Variants in RPS6KA2 observed in about 807,000 individuals in gnomAD.
RPS6KA2 encodes ribosomal protein S6 kinase alpha-2.
A neutral mutation model predicts 91.8 loss-of-function variants in RPS6KA2; 42 were observed. The ratio of observed to expected loss-of-function variants is 0.46; its 90% CI spans 0.36 to 0.59. The LOEUF is 0.59. Ranked by LOEUF, RPS6KA2 falls within the 20% of genes least tolerant of loss-of-function variation. The probability of loss-of-function intolerance (pLI) is 0.00; values close to 1 mark genes in which losing one functional copy is unlikely to be tolerated. For synonymous variants in RPS6KA2, 414 were observed against 393.6 expected (o/e 1.05, Z -0.61); for missense variants, 798 against 978.5 (o/e 0.82, Z 2.46).
At chr6:166,432,248 C>A (rs1283072029) in intron 15 of RPS6KA2, among the ~76,000 whole-genome samples, 153 bp downstream of exon 15, 1 of 152,190 alleles carries the variant, frequency 6.6e-6, no homozygotes, top group Non-Finnish European at 1.5e-5. Context: ...CACAGTCCAG[C>A]AAGTCAGCTC....
chr6:166,575,376 C>T (rs971927242), intron 1 of RPS6KA2, among the ~76,000 whole-genome samples: 1 of 152,140 alleles, frequency 6.6e-6, no homozygotes, highest in African/African-American at 2.4e-5. Flanking sequence ...TCCAGACCTG[C>T]CAAATCGAGC....
chr6:166,692,037 G>A (rs1198486445), intron 2 of RPS6KA2, among the ~76,000 whole-genome samples: 1 of 152,122 alleles, frequency 6.6e-6, no homozygotes, highest in East Asian at 1.9e-4. Flanking sequence ...TACAGGTCAG[G>A]GCGTCCTGTG....
chr6:166,702,278 G>C (rs1789547203), intron 2 of RPS6KA2: 5 of 1,613,276 alleles, frequency 3.1e-6, no homozygotes, highest in Non-Finnish European at 4.2e-6. Context: ...GGATCCTGGA[G>C]ACCCCTGCCT....
At chr6:166,504,472 G>T (rs372825440) in intron 6 of RPS6KA2, 34 bp downstream of exon 6, 32 of 1,271,638 alleles carry the variant, frequency 2.5e-5, no homozygotes, top group South Asian at 2.5e-5. Flanking sequence ...GCTGATGGGC[G>T]TGGGGAAGTC....
At chr6:166,414,030 C>T in intron 19 of RPS6KA2, 99 bp from the exon 20 acceptor site, 8 of 1,093,758 alleles carry the variant, frequency 7.3e-6, no homozygotes, top group Non-Finnish European at 9.3e-6. Context: ...ATGGCAACAC[C>T]CAACCACTAT....
At chr6:166,599,216 T>C (rs1474003618) in intron 1 of RPS6KA2, among the ~76,000 whole-genome samples, 2 of 152,114 alleles carry the variant, frequency 1.3e-5, no homozygotes, top group African/African-American at 2.4e-5. Flanking sequence ...GACAGGGAGA[T>C]TGGAAATTAG....
chr6:166,776,345 CTGACTT>C (rs1204322043), intron 2 of RPS6KA2, among the ~76,000 whole-genome samples: 3 of 152,362 alleles, frequency 2.0e-5, no homozygotes, highest in African/African-American at 7.2e-5. Context: ...AGTCCCCGCA[CTGACTT>C]TGAGACCGTC....
Position 166,821,842 on chromosome 6 carries a change from T to C in RPS6KA2, c.123+36358A>G, listed in dbSNP as rs1562456982. ...CACAGGCATACTGAAGTTAACGTTGTTGTGTTGGATTCCCCACTCAGACAC... is the reference window on the plus strand; with the variant it reads ...CACAGGCATACTGAAGTTAACGTTGCTGTGTTGGATTCCCCACTCAGACAC... On this transcript the variant is annotated intron_variant, in intron 2 of 21. Coordinates refer to the RPS6KA2 transcript ENST00000503859. This position sits in a 1 kb window ranked among gnomAD's most constrained non-coding sequence, Gnocchi z 4.1. 6.6e-6 allele frequency among the ~76,000 whole-genome samples: 1 copy of C among 152,206 alleles called. No individual in the cohort carries two copies. Among genetic ancestry groups the C allele is most frequent in the Non-Finnish European group, 1.5e-5 (1 of 68,040 alleles).
chr6:166,448,694 G>T lies in RPS6KA2; in HGVS notation c.1332+30C>A. On this transcript the variant is annotated intron_variant, in intron 14 of 20. Coordinates refer to ENST00000265678, the MANE Select transcript of RPS6KA2 (RefSeq NM_021135.6). This position sits in a 1 kb window ranked among gnomAD's most constrained non-coding sequence, Gnocchi z 4.7. ...GCTCCCACGCGCTGCACTCACACAG[G>T]GCCCTGCTCACTCAGCAGGCCTGCC... 6.3e-7 allele frequency: 1 copy of T among 1,592,896 alleles called. No individual in the cohort carries two copies. Among genetic ancestry groups the T allele is most frequent in the Non-Finnish European group, 8.6e-7 (1 of 1,168,218 alleles).
chr6:166,565,481 G>A (rs1562583174), intron 1 of RPS6KA2, among the ~76,000 whole-genome samples: 1 of 152,238 alleles, frequency 6.6e-6, no homozygotes, highest in Non-Finnish European at 1.5e-5. Flanking sequence ...GGCTGGCCTG[G>A]GCCCCGGCTG....
chr6:166,665,673 AG>A lies in RPS6KA2; in HGVS notation c.124-126890del, dbSNP rs775598419. Among the ~76,000 whole-genome samples, 63 of 152,328 alleles carry A rather than the reference AG, an allele frequency of 4.1e-4. No individual in the cohort carries two copies. The highest frequency in any genetic ancestry group is 7.2e-4 in the Non-Finnish European group (49 of 68,028). On this transcript the variant is annotated intron_variant, in intron 2 of 21. Transcript: ENST00000503859. The surrounding 1 kb of genome is among the most constrained non-coding windows in gnomAD (Gnocchi z 4.5). The stretch of plus-strand genomic sequence containing the variant: ...CCGGAGACATGAAGTTTGCTACTGA[AG>A]GTCTCCCAGCAAGCTGCAGGCGGCC...
chr6:166,559,906 A>G (rs113270140), intron 1 of RPS6KA2, among the ~76,000 whole-genome samples: 2 of 152,342 alleles, frequency 1.3e-5, no homozygotes, highest in Admixed American at 6.5e-5. Context: ...CTATGCCACA[A>G]CTAAAGATCC....
chr6:166,784,673 T>TG (rs1467275738), intron 2 of RPS6KA2, among the ~76,000 whole-genome samples: 154 of 42,714 alleles, frequency 3.6e-3, no homozygotes, highest in Middle Eastern at 0.013. Context: ...TGCACACCTA[T>TG]CTATACCACA....
chr6:166,410,785 G>T lies in RPS6KA2; in HGVS notation c.*1977C>A, dbSNP rs1043097907. On this transcript the variant is annotated 3_prime_UTR_variant, in exon 21 of 21. Coordinates refer to ENST00000265678, the MANE Select transcript of RPS6KA2 (RefSeq NM_021135.6). The stretch of plus-strand genomic sequence containing the variant: ...CCACTGACTTTAAGCAAACAGACAG[G>T]CCTGCACACCAAGCCAGGCCAAAGG... 8.6e-5 allele frequency: 13 copies of T among 151,998 alleles called. No homozygotes were observed. The highest frequency in any genetic ancestry group is 3.1e-4 in the African/African-American group (13 of 41,364). 9.4% of individuals were successfully genotyped at this position (151,998 alleles called of 1,614,324 possible).
chr6:166,594,069 G>A (rs964067784), intron 1 of RPS6KA2, among the ~76,000 whole-genome samples: 4 of 152,074 alleles, frequency 2.6e-5, no homozygotes, highest in East Asian at 1.9e-4. Flanking sequence ...TATAAAAATC[G>A]AAATGAATTT....
In RPS6KA2 at chr6:166,737,787, C is replaced by G. The variant is rs543264354; in HGVS notation, c.123+120413G>C. ...CAAAATAGTATATTCCCTGTTTAGA[C>G]GAACTCTAAATTAAACTCAAATCCC... On this transcript the variant is annotated intron_variant, in intron 2 of 21. Transcript: ENST00000503859. This position sits in a 1 kb window ranked among gnomAD's most constrained non-coding sequence, Gnocchi z 4.3. 6.6e-6 allele frequency among the ~76,000 whole-genome samples: 1 copy of G among 152,110 alleles called. No homozygotes were observed. Among genetic ancestry groups the G allele is most frequent in the Non-Finnish European group, 1.5e-5 (1 of 68,032 alleles).
intron 3 of RPS6KA2, among the ~76,000 whole-genome samples, chr6:166,530,441 C>T (rs1278306945): frequency 6.6e-6 from 1 of 152,232 alleles, no homozygotes; most frequent in South Asian, 2.1e-4. Context: ...AAGCCTGCCT[C>T]TCACCGTCTC....
chr6:166,853,488 C>T (rs1378809359), intron 2 of RPS6KA2, among the ~76,000 whole-genome samples: 2 of 152,260 alleles, frequency 1.3e-5, no homozygotes, highest in Non-Finnish European at 2.9e-5. Context: ...GGGGCCTCTC[C>T]TGGCCCAAAG....
chr6:166,522,830 G>C (rs535707927), intron 3 of RPS6KA2, among the ~76,000 whole-genome samples: 1 of 152,304 alleles, frequency 6.6e-6, no homozygotes, highest in African/African-American at 2.4e-5. Context: ...ACACATAAAG[G>C]AAGAGAAGAA....
Sources: gnomAD v4.1 joint callset for allele counts (sites outside exome capture counted in the v4.1 genomes callset) on GRCh38, gnomAD v4.1.1 for gene constraint, Gnocchi (gnomAD v3.1) non-coding constraint, MANE v1.5 for transcripts, NCBI Gene and HGNC (gene_info 2026-07-23, HGNC 2026-07-21) for gene names.